The following CCDC171 variants were observed in gnomAD, a reference collection of about 807,000 sequenced individuals.
The protein encoded by CCDC171 is coiled-coil domain containing 171.
Under a neutral mutation model 168.2 loss-of-function variants are expected in CCDC171, and 177 were observed. That is an observed-to-expected ratio of 1.05 (90% CI 0.93 to 1.19). The LOEUF is 1.19. Among genes scored for constraint, CCDC171 ranks in the 50% most tolerant of loss-of-function variants. The probability of loss-of-function intolerance (pLI) is 0.00; values close to 1 mark genes in which losing one functional copy is unlikely to be tolerated. For missense variants in CCDC171, 1,991 were observed against 1,539.0 expected (o/e 1.29, Z -4.91); for synonymous variants, 687 against 540.8 (o/e 1.27, Z -3.75).
intron 18 of CCDC171, among the ~76,000 whole-genome samples, chr9:15,752,158 C>T (rs999156930): frequency 1.3e-5 from 2 of 152,206 alleles, no homozygotes; most frequent in African/African-American, 4.8e-5. Context: ...AAAAAATGCT[C>T]ATCATCACTG....
At chr9:15,838,871 G>A (rs776449538) in intron 21 of CCDC171, among the ~76,000 whole-genome samples, 1 of 152,182 alleles carries the variant, frequency 6.6e-6, no homozygotes, top group African/African-American at 2.4e-5. Flanking sequence ...TTGATATACT[G>A]TTGTGATAGG....
In CCDC171 at chr9:15,894,344, T is replaced by C. The variant is rs145361911; in HGVS notation, c.3600+19681T>C. Among the ~76,000 whole-genome samples, 562 of 152,132 alleles carry C rather than the reference T, an allele frequency of 3.7e-3. 2 individuals carry two copies. Among genetic ancestry groups the C allele is most frequent in the Middle Eastern group, 0.01 (3 of 294 alleles). ...GATGCTGGGCTTAATACCTAGGTGA[T>C]GGGATGATCTGCGCAGCAAACCACC... is the stretch of plus-strand genomic sequence containing the variant. On this transcript the variant is annotated intron_variant, in intron 24 of 25. Coordinates refer to ENST00000380701, the MANE Select transcript of CCDC171 (RefSeq NM_173550.4).
chr9:15,897,139 GATT>G lies in CCDC171; in HGVS notation c.3600+22477_3600+22479del, dbSNP rs1254757760. Among the ~76,000 whole-genome samples the G allele has an allele frequency of 2.6e-5, 4 of 152,110 alleles. No individual in the cohort carries two copies. In the East Asian group the frequency reaches 7.7e-4, roughly 29 times the overall value. ...AGATGAGCTAATCCTATGTGGGCAGGATTTGGGATATCACTGTCTTGGTATTTT... is the reference window on the plus strand; with the variant it reads ...AGATGAGCTAATCCTATGTGGGCAGGTGGGATATCACTGTCTTGGTATTTT... On this transcript the variant is annotated intron_variant, in intron 24 of 25. Coordinates refer to ENST00000380701, the MANE Select transcript of CCDC171 (RefSeq NM_173550.4).
chr9:15,612,283 A>G (rs2043755893), intron 6 of CCDC171, among the ~76,000 whole-genome samples: 1 of 152,192 alleles, frequency 6.6e-6, no homozygotes, highest in Admixed American at 6.5e-5. Flanking sequence ...CATTTAGAAA[A>G]GATGAAAAAG....
intron 21 of CCDC171, among the ~76,000 whole-genome samples, chr9:15,789,181 C>T (rs1171168190): frequency 2.0e-5 from 3 of 152,148 alleles, no homozygotes; most frequent in African/African-American, 7.2e-5. Flanking sequence ...TGAGCACTGA[C>T]ATGACACTCA....
Position 15,777,757 on chromosome 9 carries a change from G to A in CCDC171, c.2829G>A (p.Leu943=). The A allele has an allele frequency of 1.2e-6, 2 of 1,614,014 alleles. No individual in the cohort carries two copies. The highest frequency in any genetic ancestry group is 1.7e-6 in the Non-Finnish European group (2 of 1,179,986). Reference sequence around the variant, plus strand: ...AAAAAGATTCCCTGGTTCAGAGGCTGGCCCATGGACTTCATAAAGTAAACA... The same window carrying A: ...AAAAAGATTCCCTGGTTCAGAGGCTAGCCCATGGACTTCATAAAGTAAACA... ...YVEKDSLVQR[L]AHGLHKVNTL... The change falls in exon 19 of 26, where the codon CTG becomes CTA. Residue 943 remains leucine, a synonymous_variant. Coordinates refer to ENST00000380701, the MANE Select transcript of CCDC171 (RefSeq NM_173550.4).
intron 7 of CCDC171, among the ~76,000 whole-genome samples, chr9:15,634,881 A>G (rs76174056): frequency 0.02 from 3,044 of 152,276 alleles, 109 homozygotes; most frequent in African/African-American, 0.07. Context: ...ATTCCTTACA[A>G]GTGGAACTAC....
intron 10 of CCDC171, among the ~76,000 whole-genome samples, chr9:15,693,388 A>G (rs1242144464): frequency 6.6e-6 from 1 of 152,196 alleles, no homozygotes; most frequent in Non-Finnish European, 1.5e-5. Flanking sequence ...TGTTGATAAC[A>G]TGCTATAATT....
chr9:15,625,993 T>C (rs1056575770), intron 7 of CCDC171, among the ~76,000 whole-genome samples: 4 of 152,226 alleles, frequency 2.6e-5, no homozygotes, highest in Admixed American at 6.5e-5. Flanking sequence ...TTTCATTTCA[T>C]TGAGCAGTGG....
intron 21 of CCDC171, among the ~76,000 whole-genome samples, chr9:15,824,952 A>G (rs1199765295): frequency 6.6e-6 from 1 of 152,056 alleles, no homozygotes; most frequent in East Asian, 1.9e-4. Flanking sequence ...TCAGACTTGG[A>G]TGATGGTGAT....
At chr9:15,702,420 C>G (rs925110231) in intron 11 of CCDC171, among the ~76,000 whole-genome samples, 1 of 151,942 alleles carries the variant, frequency 6.6e-6, no homozygotes, top group Non-Finnish European at 1.5e-5. Flanking sequence ...TATTCTATAT[C>G]TACTCTCCCT....
At chr9:15,743,138 CT>C (rs66642691) in intron 16 of CCDC171, among the ~76,000 whole-genome samples, 2 of 73,264 alleles carry the variant, frequency 2.7e-5, no homozygotes, top group African/African-American at 5.7e-5. Flanking sequence ...CTGTTACCTT[CT>C]TTTTTTTTTT....
At chr9:15,868,498 TGA>T (rs71325945) in intron 23 of CCDC171, among the ~76,000 whole-genome samples, 8 of 148,998 alleles carry the variant, frequency 5.4e-5, no homozygotes, top group Admixed American at 2.7e-4. Context: ...TGTGTGTGTG[TGA>T]GAGAGAGAGA....
chr9:15,998,716 T>A (rs887389814), intron 3 of CCDC171, among the ~76,000 whole-genome samples: 4 of 152,068 alleles, frequency 2.6e-5, no homozygotes, highest in African/African-American at 9.7e-5. Context: ...TCCTGGAAGG[T>A]TTATTCATGC....
chr9:15,729,924 GATACAC>G (rs2054051547), intron 16 of CCDC171, 126 bp downstream of exon 16: 3 of 644,224 alleles, frequency 4.7e-6, no homozygotes, highest in Non-Finnish European at 8.0e-6. Context: ...AACTTGTTTA[GATACAC>G]ATATATTTGT....
chr9:15,930,676 T>A (rs1415191858), intron 25 of CCDC171, among the ~76,000 whole-genome samples: 2 of 151,670 alleles, frequency 1.3e-5, no homozygotes, highest in East Asian at 3.9e-4. Context: ...GAAATAGAGG[T>A]CTAATTTACA....
intron 11 of CCDC171, among the ~76,000 whole-genome samples, chr9:15,719,161 A>G (rs1028673782): frequency 6.6e-5 from 10 of 152,178 alleles, no homozygotes; most frequent in African/African-American, 2.4e-4. Flanking sequence ...TCAAGCAGAA[A>G]TTCTGTAGTT....
At chr9:15,876,009 C>T (rs1817791671) in intron 24 of CCDC171, 3 of 152,000 alleles carry the variant, frequency 2.0e-5, no homozygotes, top group Non-Finnish European at 2.9e-5. Context: ...TAATCCTTTA[C>T]TTGGCTATTT....
At chr9:15,568,964 CT>C (rs1240905517) in intron 2 of CCDC171, among the ~76,000 whole-genome samples, 7 of 152,210 alleles carry the variant, frequency 4.6e-5, no homozygotes, top group Non-Finnish European at 8.8e-5. Context: ...GTCATGACAT[CT>C]TTGCCCATTC....
Sources: gnomAD v4.1 joint callset for allele counts (sites outside exome capture counted in the v4.1 genomes callset) on GRCh38, gnomAD v4.1.1 for gene constraint, MANE v1.5 for transcripts, NCBI Gene and HGNC (gene_info 2026-07-23, HGNC 2026-07-21) for gene names.